The following PCDHGB6 variants were observed in gnomAD, a reference collection of about 807,000 sequenced individuals.
PCDHGB6 encodes protocadherin gamma subfamily B, 6.
Under a neutral mutation model 59.1 loss-of-function variants are expected in PCDHGB6, and 51 were observed. That is an observed-to-expected ratio of 0.86 (90% CI 0.69 to 1.09). The LOEUF is 1.09. Ranked by LOEUF, PCDHGB6 falls within the 50% of genes least tolerant of loss-of-function variation. PCDHGB6 has a pLI of 0.00. For missense variants in PCDHGB6, 1,148 were observed against 1,205.1 expected (o/e 0.95, Z 0.70); for synonymous variants, 466 against 495.1 (o/e 0.94, Z 0.78).
chr5:141,422,467 G>A (rs1380910490), intron 1 of PCDHGB6: 1 of 1,613,664 alleles, frequency 6.2e-7, no homozygotes, highest in Non-Finnish European at 8.5e-7. Context: ...GCTGGACAGG[G>A]AGTTGGTCCA....
At chr5:141,421,473 C>G (rs907282414) in intron 1 of PCDHGB6, 14 of 1,614,112 alleles carry the variant, frequency 8.7e-6, no homozygotes, top group African/African-American at 1.3e-5. Flanking sequence ...ATCCGCGAAG[C>G]GGCAGCTTGA....
At position 141,438,623 on chromosome 5, in the gene PCDHGB6, TATATATATATATAC is replaced by T. The variant is rs537048311; in HGVS notation, c.2418+28005_2418+28018del. Among the ~76,000 whole-genome samples the T allele has an allele frequency of 0.015, 646 of 42,812 alleles. 25 individuals are homozygous for T. In the East Asian group the frequency reaches 0.19, roughly 12 times the overall value. The allele number at this position is 42,812 out of a possible 152,430, so 28.1% of individuals were successfully genotyped here. A position where few individuals can be genotyped will look rare whatever the true frequency, so the allele number is the denominator to read the frequency against. On this transcript the variant is annotated intron_variant, in intron 1 of 3. Transcript: ENST00000520790. ...ATATATATATATATATATATATATA[TATATATATATATAC>T]ACACACACACACACATATATGTATA...
chr5:141,429,048 G>A (rs2097180589), intron 1 of PCDHGB6: 5 of 152,064 alleles, frequency 3.3e-5, no homozygotes, highest in Admixed American at 3.3e-4. Context: ...TACAGACGGG[G>A]TTTCACCGTG....
In PCDHGB6 at chr5:141,485,972, T is replaced by G; in HGVS notation, c.2419-8835T>G. ...CATGGTGCTCATCCAGCTCAATGCC[T>G]CAGACCCGGACCTGGGTCCCAGTGG... On this transcript the variant is annotated intron_variant, in intron 1 of 3. Transcript: ENST00000520790. The surrounding 1 kb of genome is among the most constrained non-coding windows in gnomAD (Gnocchi z 5.7). 1 of 1,614,184 alleles carries G rather than the reference T, an allele frequency of 6.2e-7. No individual in the cohort carries two copies. Among genetic ancestry groups the G allele is most frequent in the Non-Finnish European group, 8.5e-7 (1 of 1,180,022 alleles).
intron 1 of PCDHGB6, among the ~76,000 whole-genome samples, chr5:141,433,594 G>A (rs1331681563): frequency 1.3e-5 from 2 of 152,086 alleles, no homozygotes; most frequent in Admixed American, 1.3e-4. Context: ...CCAGTACTTT[G>A]GGAGGCCGAG....
chr5:141,479,651 C>A (rs56818742), intron 1 of PCDHGB6: 43,954 of 152,194 alleles, frequency 0.29, 6,853 homozygotes, highest in African/African-American at 0.41. Flanking sequence ...ACAACAACAA[C>A]AATCCCAGAA....
At chr5:141,451,179 T>C (rs1039062167) in intron 1 of PCDHGB6, among the ~76,000 whole-genome samples, 6 of 152,162 alleles carry the variant, frequency 3.9e-5, no homozygotes, top group Non-Finnish European at 8.8e-5. Flanking sequence ...TATTTAGCCA[T>C]TGCTGTGTAA....
intron 3 of PCDHGB6, among the ~76,000 whole-genome samples, chr5:141,510,533 C>A (rs1366903068): frequency 6.6e-6 from 1 of 152,118 alleles, no homozygotes; most frequent in Non-Finnish European, 1.5e-5. Flanking sequence ...GAGAGAAATA[C>A]CAGCGAATGT....
rs182654621 is a variant in PCDHGB6, at chr5:141,409,837, C to T, written c.1635C>T (p.Asn545=). ...ACGGCTCGCCCACGCTCAGCGCCAA[C>T]GTGAGCCTGCGCGTGTTGGTGGGAG... The part of the protein sequence containing the change: ...RDHGSPTLSA[N]VSLRVLVGDR... The change falls in exon 1 of 4, where the codon AAC becomes AAT. Residue 545 remains asparagine (N), a synonymous_variant. Transcript: ENST00000520790. The T allele has an allele frequency of 2.2e-5, 36 of 1,611,350 alleles. No homozygotes were observed. Among genetic ancestry groups the T allele is most frequent in the Non-Finnish European group, 2.9e-5 (34 of 1,179,082 alleles).
chr5:141,431,476 A>G lies in PCDHGB6; in HGVS notation c.2418+20856A>G, dbSNP rs975772031. 1.9e-6 allele frequency: 3 copies of G among 1,613,864 alleles called. No homozygotes were observed. Among genetic ancestry groups the G allele is most frequent in the Admixed American group, 3.3e-5 (2 of 60,032 alleles). ...TGGTTCTGGATGCGAACGACAACGC[A>G]CCAGCGTTTGCTCAGCCCGAGTACC... On this transcript the variant is annotated intron_variant, in intron 1 of 3. Coordinates refer to ENST00000520790, the MANE Select transcript of PCDHGB6 (RefSeq NM_018926.3). This position sits in a 1 kb window ranked among gnomAD's most constrained non-coding sequence, Gnocchi z 4.8.
chr5:141,464,483 C>G (rs192469583), intron 1 of PCDHGB6, among the ~76,000 whole-genome samples: 32 of 151,368 alleles, frequency 2.1e-4, no homozygotes, highest in African/African-American at 7.3e-4. Flanking sequence ...ATAATAAATT[C>G]CTAATAGTGT....
chr5:141,421,425 C>T, intron 1 of PCDHGB6: 1 of 1,614,100 alleles, frequency 6.2e-7, no homozygotes, highest in Non-Finnish European at 8.5e-7. Context: ...GCGGAGTCCG[C>T]ATCGTCTCCA....
intron 2 of PCDHGB6, among the ~76,000 whole-genome samples, chr5:141,499,868 A>G (rs2099794957): frequency 6.6e-6 from 1 of 152,024 alleles, no homozygotes; most frequent in Non-Finnish European, 1.5e-5. Context: ...TTGTATTTTC[A>G]GTACAAACAG....
At chr5:141,479,620 G>A (rs2099501211) in intron 1 of PCDHGB6, 2 of 152,192 alleles carry the variant, frequency 1.3e-5, no homozygotes, top group African/African-American at 4.8e-5. Context: ...GGGAAACCAT[G>A]TCTCTTTAAC....
Position 141,486,915 on chromosome 5 carries a change from C to G in PCDHGB6, c.2419-7892C>G. The G allele has an allele frequency of 6.2e-7, 1 of 1,614,244 alleles. No individual in the cohort carries two copies. The highest frequency in any genetic ancestry group is 8.5e-7 in the Non-Finnish European group (1 of 1,180,046). ...GGTTCCTTATGTCCCCAAGCACTGCCTCCATCAGTTGGTGCTGGCCACCTA... is the reference window on the plus strand; with the variant it reads ...GGTTCCTTATGTCCCCAAGCACTGCGTCCATCAGTTGGTGCTGGCCACCTA... On this transcript the variant is annotated intron_variant, in intron 1 of 3. Transcript: ENST00000520790. This position sits in a 1 kb window ranked among gnomAD's most constrained non-coding sequence, Gnocchi z 5.0.
rs137901127 is a variant in PCDHGB6 at position 141,436,420 on chromosome 5, A to G, written c.2418+25800A>G. 1.4e-3 allele frequency among the ~76,000 whole-genome samples: 213 copies of G among 152,326 alleles called. 1 individual carries two copies. The highest frequency in any genetic ancestry group is 4.8e-3 in the African/African-American group (199 of 41,594). ...AGTTGTTGAATGAATGGATAAACAA[A>G]TAATGTACTCTGGGGATTACCTGAT... On this transcript the variant is annotated intron_variant, in intron 1 of 3. Coordinates refer to ENST00000520790, the MANE Select transcript of PCDHGB6 (RefSeq NM_018926.3).
intron 1 of PCDHGB6, among the ~76,000 whole-genome samples, chr5:141,448,796 T>G (rs1268643310): frequency 1.0e-4 from 15 of 150,106 alleles, no homozygotes; most frequent in Admixed American, 4.0e-4. Context: ...AAAAAAAAAA[T>G]TAGCCAGGCG....
chr5:141,433,017 A>T, intron 1 of PCDHGB6: 1 of 1,614,124 alleles, frequency 6.2e-7, no homozygotes, highest in Non-Finnish European at 8.5e-7. Flanking sequence ...CTGCAGACCT[A>T]TTCCCACGAG....
At chr5:141,419,378 G>A in intron 1 of PCDHGB6, 3 of 1,613,710 alleles carry the variant, frequency 1.9e-6, no homozygotes, top group Non-Finnish European at 2.5e-6. Context: ...CTACGTGTCC[G>A]TGAGCGCGCA....
Sources: allele counts gnomAD v4.1 joint callset (sites outside exome capture counted in the v4.1 genomes callset), GRCh38; gene constraint gnomAD v4.1.1; non-coding constraint Gnocchi (gnomAD v3.1); transcripts MANE v1.5; gene names NCBI Gene and HGNC (gene_info 2026-07-23, HGNC 2026-07-21).